Variants in MIPOL1 observed in about 807,000 individuals in gnomAD.
MIPOL1 encodes the protein mirror-image polydactyly 1.
In MIPOL1, 57 loss-of-function variants were observed where a neutral mutation model predicts 60.9. The ratio of observed to expected loss-of-function variants is 0.94; its 90% CI spans 0.76 to 1.17. MIPOL1 has a LOEUF of 1.17. Ranked by LOEUF, MIPOL1 falls within the 50% of genes most tolerant of loss-of-function variation. The pLI is 0.00. For synonymous variants in MIPOL1, 179 were observed against 168.8 expected (o/e 1.06, Z -0.47); for missense variants, 551 against 511.6 (o/e 1.08, Z -0.74).
intron 1 of MIPOL1, among the ~76,000 whole-genome samples, chr14:37,228,665 A>G (rs1271937556): frequency 2.0e-5 from 3 of 152,206 alleles, no homozygotes; most frequent in African/African-American, 7.2e-5. Context: ...CACTGATACT[A>G]TCTTTATCTT....
intron 7 of MIPOL1, among the ~76,000 whole-genome samples, chr14:37,293,091 T>C (rs2085256990): frequency 6.6e-6 from 1 of 152,162 alleles, no homozygotes; most frequent in Non-Finnish European, 1.5e-5. Flanking sequence ...GCCTTGATTC[T>C]TGCTTCCTCT....
intron 7 of MIPOL1, among the ~76,000 whole-genome samples, chr14:37,297,677 C>CATG (rs2085891170): frequency 6.6e-6 from 1 of 151,800 alleles, no homozygotes; most frequent in Non-Finnish European, 1.5e-5. Flanking sequence ...AAACAGAGAG[C>CATG]CAAATCATGA....
intron 11 of MIPOL1, among the ~76,000 whole-genome samples, chr14:37,481,607 A>ACACC (rs2094869853): frequency 7.0e-6 from 1 of 142,924 alleles, no homozygotes; most frequent in Admixed American, 7.0e-5. Context: ...ACACACACAC[A>ACACC]CACACCGAAA....
intron 10 of MIPOL1, among the ~76,000 whole-genome samples, chr14:37,387,348 G>T (rs997467193): frequency 6.6e-6 from 1 of 151,816 alleles, no homozygotes; most frequent in African/African-American, 2.4e-5. Flanking sequence ...GTTTAACATG[G>T]ATCAGAAGAA....
At chr14:37,347,236 T>C (rs964927355) in intron 9 of MIPOL1, among the ~76,000 whole-genome samples, 1 of 152,066 alleles carries the variant, frequency 6.6e-6, no homozygotes, top group Non-Finnish European at 1.5e-5. Context: ...ATATACCATA[T>C]ATACATGTAA....
intron 10 of MIPOL1, among the ~76,000 whole-genome samples, chr14:37,419,868 G>A (rs1054731161): frequency 6.6e-6 from 1 of 151,958 alleles, no homozygotes; most frequent in African/African-American, 2.4e-5. Context: ...AGCCTTCTGA[G>A]TAGCTGGGTC....
chr14:37,529,911 G>A (rs1471545809), intron 12 of MIPOL1, among the ~76,000 whole-genome samples: 2 of 152,178 alleles, frequency 1.3e-5, no homozygotes, highest in Admixed American at 1.3e-4. Flanking sequence ...GATTTCCTGT[G>A]ATAGGAAATA....
intron 11 of MIPOL1, among the ~76,000 whole-genome samples, chr14:37,429,792 A>G (rs972751111): frequency 6.6e-6 from 1 of 152,024 alleles, no homozygotes; most frequent in Non-Finnish European, 1.5e-5. Context: ...ACTGTCCTTA[A>G]CAGTCAGAAA....
chr14:37,525,954 G>A (rs1342621387), intron 12 of MIPOL1, among the ~76,000 whole-genome samples: 1 of 152,114 alleles, frequency 6.6e-6, no homozygotes, highest in East Asian at 1.9e-4. Context: ...TTCCTCTATG[G>A]TGTGTATTGA....
chr14:37,277,525 T>G (rs1485966575), intron 6 of MIPOL1: 1 of 151,318 alleles, frequency 6.6e-6, no homozygotes, highest in East Asian at 1.9e-4. Flanking sequence ...TAATATAGTC[T>G]TTGAGTTTTC....
chr14:37,295,875 G>A (rs1252881271), intron 7 of MIPOL1, among the ~76,000 whole-genome samples: 2 of 152,056 alleles, frequency 1.3e-5, no homozygotes, highest in East Asian at 3.9e-4. Context: ...ACACCCCACT[G>A]TCAACATTAG....
At chr14:37,335,069 T>C (rs1011928285) in intron 9 of MIPOL1, among the ~76,000 whole-genome samples, 2 of 152,086 alleles carry the variant, frequency 1.3e-5, no homozygotes, top group South Asian at 2.1e-4. Flanking sequence ...ACTAACATTT[T>C]GTTGAACTAC....
At chr14:37,328,621 ACT>A (rs1342122751) in intron 9 of MIPOL1, among the ~76,000 whole-genome samples, 1 of 152,206 alleles carries the variant, frequency 6.6e-6, no homozygotes. Context: ...TTAATTGCTA[ACT>A]CTGAATTCTA....
At chr14:37,502,568 G>A (rs1359812598) in intron 12 of MIPOL1, 1 of 152,208 alleles carries the variant, frequency 6.6e-6, no homozygotes, top group Non-Finnish European at 1.5e-5. Context: ...GAAAGGAATA[G>A]CATCAACATC....
At chr14:37,273,153 GA>G (rs1184460671) in intron 6 of MIPOL1, among the ~76,000 whole-genome samples, 2 of 150,778 alleles carry the variant, frequency 1.3e-5, no homozygotes, top group African/African-American at 2.4e-5. Flanking sequence ...GAGGATATGA[GA>G]AAAACTTCAT....
At chr14:37,427,706 A>G (rs1377940100) in intron 11 of MIPOL1, among the ~76,000 whole-genome samples, 2 of 152,162 alleles carry the variant, frequency 1.3e-5, no homozygotes, top group African/African-American at 4.8e-5. Context: ...AAATTATGAA[A>G]AAAACCAAGC....
intron 9 of MIPOL1, among the ~76,000 whole-genome samples, chr14:37,360,608 G>A (rs2153483943): frequency 1.3e-5 from 2 of 152,258 alleles, no homozygotes; most frequent in East Asian, 1.9e-4. Context: ...TTTGCGTAGA[G>A]GTTTTTATAG....
chr14:37,377,088 A>C (rs2092796376), intron 10 of MIPOL1, among the ~76,000 whole-genome samples: 1 of 152,160 alleles, frequency 6.6e-6, no homozygotes, highest in Non-Finnish European at 1.5e-5. Flanking sequence ...CCAAATGCCT[A>C]ATTTGACTCT....
rs1357586057 is a variant in MIPOL1 at position 37,330,941 on chromosome 14, G to C, written c.828+22422G>C. ...AGGGCTAAAATGGAGCAGACATCTG[G>C]CATATATTGAATATTTACCTTTTTT... is the stretch of plus-strand genomic sequence containing the variant. On this transcript the variant is annotated intron_variant, in intron 9 of 12. Coordinates refer to ENST00000684589, the MANE Select transcript of MIPOL1 (RefSeq NM_001388067.1). Among the ~76,000 whole-genome samples, 4 of 152,040 alleles carry C rather than the reference G, an allele frequency of 2.6e-5. No homozygotes were observed. The East Asian group carries it at 7.7e-4, about 29-fold the overall frequency.
Sources: gnomAD v4.1 joint callset for allele counts (sites outside exome capture counted in the v4.1 genomes callset) on GRCh38, gnomAD v4.1.1 for gene constraint, MANE v1.5 for transcripts, NCBI Gene and HGNC (gene_info 2026-07-23, HGNC 2026-07-21) for gene names.